Variants in PDE4B observed in about 807,000 individuals in gnomAD.
The protein encoded by PDE4B is phosphodiesterase 4B, also known as 3',5'-cyclic-AMP phosphodiesterase 4B.
Under a neutral mutation model 82.2 loss-of-function variants are expected in PDE4B, and 20 were observed. The ratio of observed to expected loss-of-function variants is 0.24; its 90% confidence interval spans 0.17 to 0.35. The LOEUF is 0.35. Among genes scored for constraint, PDE4B ranks in the 10% least tolerant of loss-of-function variants. The pLI is 1.00. For synonymous variants in PDE4B, 320 were observed against 318.9 expected, an observed-to-expected ratio of 1.00 and a Z score of -0.04; for missense variants, 655 against 907.2, an observed-to-expected ratio of 0.72 and a Z score of 3.57.
chr1:66,104,685 G>A (rs1570244006), intron 3 of PDE4B, among the ~76,000 whole-genome samples: 1 of 149,304 alleles, frequency 6.7e-6, no homozygotes, highest in African/African-American at 2.4e-5. Flanking sequence ...TTCTCTGATA[G>A]CCAGTGATGG....
intron 3 of PDE4B, among the ~76,000 whole-genome samples, chr1:65,993,524 G>C (rs545396098): frequency 6.6e-6 from 1 of 151,900 alleles, no homozygotes; most frequent in East Asian, 1.9e-4. Flanking sequence ...AATAATTTTG[G>C]GACATGAATA....
chr1:66,187,885 A>T (rs12136829), intron 3 of PDE4B, among the ~76,000 whole-genome samples: 1,597 of 139,130 alleles, frequency 0.011, 7 homozygotes, highest in Non-Finnish European at 0.016. Context: ...AGCTTTTGAA[A>T]GTGTTTGCTC....
At chr1:66,039,382 T>C (rs1654239228) in intron 3 of PDE4B, among the ~76,000 whole-genome samples, 1 of 152,042 alleles carries the variant, frequency 6.6e-6, no homozygotes, top group Non-Finnish European at 1.5e-5. Context: ...GCAGACAGAT[T>C]AACTGCTTTT....
intron 3 of PDE4B, among the ~76,000 whole-genome samples, chr1:65,959,933 T>A (rs896436015): frequency 6.6e-6 from 1 of 152,132 alleles, no homozygotes; most frequent in African/African-American, 2.4e-5. Flanking sequence ...GGTCTCAAAC[T>A]CCTGGGCTCA....
chr1:66,049,395 G>C (rs1330830881), intron 3 of PDE4B, among the ~76,000 whole-genome samples: 1 of 152,006 alleles, frequency 6.6e-6, no homozygotes, highest in Non-Finnish European at 1.5e-5. Flanking sequence ...GTCTGTGTTA[G>C]TATTGCCAGC....
intron 1 of PDE4B, among the ~76,000 whole-genome samples, chr1:65,912,562 A>C (rs1202637399): frequency 6.6e-6 from 1 of 152,144 alleles, no homozygotes; most frequent in Non-Finnish European, 1.5e-5. Flanking sequence ...TCTATCTCAA[A>C]ATAGCTAGAT....
At chr1:65,815,099 G>A (rs937160498) in intron 1 of PDE4B, among the ~76,000 whole-genome samples, 1 of 150,748 alleles carries the variant, frequency 6.6e-6, no homozygotes, top group African/African-American at 2.4e-5. Flanking sequence ...CGGTACACGT[G>A]CACAATGTGC....
intron 1 of PDE4B, among the ~76,000 whole-genome samples, chr1:65,798,416 G>T (rs1380821082): frequency 1.1e-5 from 1 of 87,890 alleles, no homozygotes; most frequent in Non-Finnish European, 1.9e-5. Flanking sequence ...CCGCCACCGC[G>T]CCCGGCTAAT....
At chr1:65,924,603 A>G (rs2100496883) in intron 3 of PDE4B, among the ~76,000 whole-genome samples, 1 of 152,306 alleles carries the variant, frequency 6.6e-6, no homozygotes, top group South Asian at 2.1e-4. Flanking sequence ...TGAATCAGGA[A>G]TCCAGCTGTG....
rs901399830 is a variant in PDE4B at position 66,171,843 on chromosome 1, T to TA, written c.282-75609dup. Reference sequence around the variant, plus strand: ...CTAAACTTGTATTGAGAATGAAATATAAAAAAAATTGATATGTGACTCATT... The same window carrying TA: ...CTAAACTTGTATTGAGAATGAAATATAAAAAAAAATTGATATGTGACTCATT... On this transcript the variant is annotated intron_variant, in intron 3 of 16. Coordinates refer to ENST00000341517, the MANE Select transcript of PDE4B (RefSeq NM_002600.4). Among the ~76,000 whole-genome samples the TA allele has an allele frequency of 5.9e-4, 90 of 152,194 alleles. 1 individual carries two copies. Among genetic ancestry groups the TA allele is most frequent in the African/African-American group, 2.0e-3 (83 of 41,540 alleles).
At chr1:66,271,577 A>T (rs1655481739) in intron 7 of PDE4B, among the ~76,000 whole-genome samples, 1 of 152,208 alleles carries the variant, frequency 6.6e-6, no homozygotes, top group African/African-American at 2.4e-5. Flanking sequence ...AGAAAGGGAA[A>T]AGTTTATACT....
chr1:66,073,918 T>C (rs948879592), intron 3 of PDE4B, among the ~76,000 whole-genome samples: 5 of 152,054 alleles, frequency 3.3e-5, no homozygotes, highest in African/African-American at 4.8e-5. Context: ...GATAATAGTG[T>C]GGAAAGGAGT....
chr1:66,078,505 C>T (rs143286431), intron 3 of PDE4B, among the ~76,000 whole-genome samples: 125 of 152,166 alleles, frequency 8.2e-4, no homozygotes, highest in African/African-American at 2.5e-3. Context: ...CCACCAAGCC[C>T]GGCCTAAAGC....
At chr1:66,273,817 C>T (rs903367658) in intron 7 of PDE4B, among the ~76,000 whole-genome samples, 7 of 152,222 alleles carry the variant, frequency 4.6e-5, no homozygotes, top group Non-Finnish European at 1.0e-4. Flanking sequence ...AAGTGAGGCT[C>T]ATGTTCAGCT....
chr1:66,315,158 G>A (rs1410932319), intron 7 of PDE4B, among the ~76,000 whole-genome samples: 1 of 152,160 alleles, frequency 6.6e-6, no homozygotes, highest in African/African-American at 2.4e-5. Flanking sequence ...GTTGTTTTGA[G>A]TATTAGAGAT....
At position 66,234,116 on chromosome 1, in the gene PDE4B, A is replaced by G. The variant is rs112922141; in HGVS notation, c.282-13344A>G. On this transcript the variant is annotated intron_variant, in intron 3 of 16. Coordinates refer to ENST00000341517, the MANE Select transcript of PDE4B (RefSeq NM_002600.4). ...TATTTCGGGCAGAAGTCACCAGTGAAGTTATCTGGGCATGCAGTTTTCTTT... is the reference window on the plus strand; with the variant it reads ...TATTTCGGGCAGAAGTCACCAGTGAGGTTATCTGGGCATGCAGTTTTCTTT... 5.1e-3 allele frequency among the ~76,000 whole-genome samples: 784 copies of G among 152,286 alleles called. 6 individuals carry two copies. Among genetic ancestry groups the G allele is most frequent in the African/African-American group, 0.018 (744 of 41,564 alleles).
At chr1:65,961,048 GAAACAA>G (rs1649518839) in intron 3 of PDE4B, among the ~76,000 whole-genome samples, 1 of 152,076 alleles carries the variant, frequency 6.6e-6, no homozygotes, top group African/African-American at 2.4e-5. Context: ...GATTGGACAA[GAAACAA>G]AACAGATGAA....
intron 3 of PDE4B, among the ~76,000 whole-genome samples, chr1:65,964,839 A>ATG (rs745869487): frequency 7.2e-5 from 11 of 151,962 alleles, no homozygotes; most frequent in Non-Finnish European, 1.5e-4. Context: ...GTGTATGTGC[A>ATG]TGTGTGTGTG....
rs533210023 is a variant in PDE4B at position 65,816,832 on chromosome 1, A to C, written c.-71+23584A>C. Among the ~76,000 whole-genome samples, 8 of 152,330 alleles carry C rather than the reference A, an allele frequency of 5.3e-5. No individual in the cohort carries two copies. In the South Asian group the frequency reaches 1.7e-3, roughly 32 times the overall value. On this transcript the variant is annotated intron_variant, in intron 1 of 16. Coordinates refer to ENST00000341517, the MANE Select transcript of PDE4B (RefSeq NM_002600.4). ...ATTTTGTAAGCAGCTTCTATGTAAT[A>C]AGTTTTGTAAAAAGCATTTTTATAA...
Sources: gnomAD v4.1 joint callset for allele counts (sites outside exome capture counted in the v4.1 genomes callset) on GRCh38, gnomAD v4.1.1 for gene constraint, MANE v1.5 for transcripts, NCBI Gene and HGNC (gene_info 2026-07-23, HGNC 2026-07-21) for gene names.